ALK: variants seen among roughly 807,000 people sequenced by gnomAD.
The protein encoded by ALK is ALK tyrosine kinase receptor.
ALK carries 74 observed loss-of-function variants against 163.1 expected under a neutral mutation model. The ratio of observed to expected loss-of-function variants is 0.45; its 90% confidence interval spans 0.38 to 0.55. The LOEUF (loss-of-function observed/expected upper bound fraction) is 0.55. Among genes scored for constraint, ALK ranks in the 20% least tolerant of loss-of-function variants. The probability of loss-of-function intolerance (pLI) is 0.00; values close to 1 mark genes in which losing one functional copy is unlikely to be tolerated. For synonymous variants in ALK, 960 were observed against 843.2 expected (o/e 1.14, Z -2.40); for missense variants, 2,063 against 2,105.3 (o/e 0.98, Z 0.39).
intron 11 of ALK, among the ~76,000 whole-genome samples, chr2:29,271,057 G>A (rs1665370866): frequency 6.6e-6 from 1 of 152,190 alleles, no homozygotes; most frequent in African/African-American, 2.4e-5. Context: ...CTGAAGGGAA[G>A]AGGCCTCCTC....
rs563234636 is a variant in ALK at position 29,775,551 on chromosome 2, C to A, written c.668-57854G>T. Among the ~76,000 whole-genome samples, 1,169 of 145,822 alleles carry A rather than the reference C, an allele frequency of 8.0e-3. 10 individuals carry two copies. The highest frequency in any genetic ancestry group is 0.049 in the South Asian group (225 of 4,568). ...CCCTCCCCCTACAAAAAAAAAAAAA[C>A]AAAAACAAAAGCAGAAATCAAAAGA... On this transcript the variant is annotated intron_variant, in intron 1 of 28. Coordinates refer to ENST00000389048, the MANE Select transcript of ALK (RefSeq NM_004304.5).
chr2:29,708,885 G>C (rs1281863202), intron 2 of ALK, among the ~76,000 whole-genome samples: 1 of 152,168 alleles, frequency 6.6e-6, no homozygotes, highest in Non-Finnish European at 1.5e-5. Flanking sequence ...ACTTCTCATA[G>C]ACCAAATTAT....
At chr2:29,597,871 G>GTGCAGGGCTGCAGAGGGC (rs1296529188) in intron 3 of ALK, among the ~76,000 whole-genome samples, 3 of 152,154 alleles carry the variant, frequency 2.0e-5, no homozygotes, top group Non-Finnish European at 4.4e-5. Context: ...CTGCAGAGGG[G>GTGCAGGGCTGCAGAGGGC]TACAGAGGAG....
At chr2:29,573,857 G>A (rs1369224847) in intron 3 of ALK, among the ~76,000 whole-genome samples, 2 of 152,166 alleles carry the variant, frequency 1.3e-5, no homozygotes, top group Non-Finnish European at 2.9e-5. Context: ...AAGGGAAAAT[G>A]GAATGTGATG....
chr2:29,535,047 G>T (rs565215700), intron 3 of ALK, among the ~76,000 whole-genome samples: 1 of 152,316 alleles, frequency 6.6e-6, no homozygotes, highest in Admixed American at 6.5e-5. Flanking sequence ...TTGGGATATT[G>T]TCAGTATAAA....
In ALK at chr2:29,222,529, T is replaced by C. The variant is rs141041751; in HGVS notation, c.3438A>G (p.Gln1146=). The part of the protein sequence containing the change: ...SGMPNDPSPL[Q]VAVKTLPEVC... The stretch of plus-strand genomic sequence containing the variant: ...AGCCACTTCTTACCTTCACAGCCAC[T>C]TGCAGGGGGCTTGGGTCGTTGGGCA... Residue 1146 remains glutamine (Q), a synonymous_variant, in exon 21 of 29, where the codon CAA becomes CAG. Transcript: ENST00000389048. 1 of 1,614,128 alleles carries C rather than the reference T, an allele frequency of 6.2e-7. No homozygotes were observed.
intron 5 of ALK, among the ~76,000 whole-genome samples, chr2:29,350,122 G>A (rs1276687558): frequency 6.6e-6 from 1 of 152,232 alleles, no homozygotes; most frequent in African/African-American, 2.4e-5. Context: ...TTATGTATGT[G>A]TAAAATGGGC....
chr2:29,589,844 G>T (rs1033809037), intron 3 of ALK, among the ~76,000 whole-genome samples: 2 of 152,226 alleles, frequency 1.3e-5, no homozygotes, highest in Non-Finnish European at 2.9e-5. Context: ...GTCAGAATCA[G>T]CTGCCAAGGG....
At chr2:29,463,097 C>A (rs1265854654) in intron 4 of ALK, among the ~76,000 whole-genome samples, 3 of 152,110 alleles carry the variant, frequency 2.0e-5, no homozygotes, top group African/African-American at 7.2e-5. Flanking sequence ...ATAAATCCGA[C>A]CTAAGACTAA....
chr2:29,645,573 T>A (rs1365989049), intron 3 of ALK, among the ~76,000 whole-genome samples: 1 of 152,168 alleles, frequency 6.6e-6, no homozygotes, highest in East Asian at 1.9e-4. Flanking sequence ...ATGAGAAGAC[T>A]GGCCCTAGAG....
intron 4 of ALK, among the ~76,000 whole-genome samples, chr2:29,403,216 A>G (rs72792446): frequency 1.3e-5 from 2 of 152,344 alleles, no homozygotes; most frequent in Non-Finnish European, 2.9e-5. Context: ...TCACGCATCA[A>G]AAACACAGAA....
chr2:29,357,534 C>T lies in ALK; in HGVS notation c.1282+26198G>A, dbSNP rs542580008. On this transcript the variant is annotated intron_variant, in intron 5 of 28. Transcript: ENST00000389048. ...CAGCAGTCATGGCAAACTTTCACGG[C>T]AGATGCCTTTGTTATTTAGGGTCAA... 2.6e-5 allele frequency among the ~76,000 whole-genome samples: 4 copies of T among 152,340 alleles called. No homozygotes were observed. The East Asian group carries it at 7.7e-4, about 29-fold the overall frequency.
At chr2:29,236,949 C>T (rs953228628) in intron 13 of ALK, among the ~76,000 whole-genome samples, 2 of 152,210 alleles carry the variant, frequency 1.3e-5, no homozygotes, top group African/African-American at 2.4e-5. Flanking sequence ...TACCAGGCCT[C>T]TACAACTCAG....
intron 5 of ALK, among the ~76,000 whole-genome samples, chr2:29,357,376 G>T (rs1041642169): frequency 6.6e-6 from 1 of 152,136 alleles, no homozygotes; most frequent in Non-Finnish European, 1.5e-5. Context: ...CGCTGGCAGG[G>T]CTCAGCTCAC....
intron 1 of ALK, among the ~76,000 whole-genome samples, chr2:29,860,595 A>T (rs1462799764): frequency 6.6e-6 from 1 of 152,198 alleles, no homozygotes; most frequent in African/African-American, 2.4e-5. Context: ...TCTCAAGTGC[A>T]CACAAAACAT....
At chr2:29,742,035 A>G (rs998078933) in intron 1 of ALK, among the ~76,000 whole-genome samples, 1 of 152,218 alleles carries the variant, frequency 6.6e-6, no homozygotes, top group Non-Finnish European at 1.5e-5. Context: ...CATCACACTA[A>G]CAACTTTACT....
intron 1 of ALK, among the ~76,000 whole-genome samples, chr2:29,888,494 C>T (rs2148422862): frequency 6.6e-6 from 1 of 152,202 alleles, no homozygotes; most frequent in African/African-American, 2.4e-5. Flanking sequence ...GAAACAAGTG[C>T]AGATTTTGCC....
intron 3 of ALK, among the ~76,000 whole-genome samples, chr2:29,619,739 C>T (rs1675973170): frequency 6.6e-6 from 1 of 152,202 alleles, no homozygotes; most frequent in African/African-American, 2.4e-5. Context: ...CTATCTCCAC[C>T]CATTTATATT....
At chr2:29,861,524 A>C (rs1441467861) in intron 1 of ALK, among the ~76,000 whole-genome samples, 3 of 152,220 alleles carry the variant, frequency 2.0e-5, no homozygotes, top group African/African-American at 7.2e-5. Context: ...CAAATTGAAT[A>C]ATCTAGGAAA....
Sources: gnomAD v4.1 joint callset for allele counts (sites outside exome capture counted in the v4.1 genomes callset) on GRCh38, gnomAD v4.1.1 for gene constraint, MANE v1.5 for transcripts, NCBI Gene and HGNC (gene_info 2026-07-23, HGNC 2026-07-21) for gene names.